The following ASIC2 variants were observed in gnomAD, a reference collection of about 807,000 sequenced individuals.
The protein encoded by ASIC2 is acid sensing ion channel subunit 2.
ASIC2 carries 25 observed loss-of-function variants against 57.3 expected under a neutral mutation model. That is an observed-to-expected ratio of 0.44 (90% CI 0.32 to 0.61). The LOEUF (loss-of-function observed/expected upper bound fraction) is 0.61. ASIC2 is among the 20% of genes least tolerant of loss of function. ASIC2 has a pLI of 0.06. For missense variants in ASIC2, 641 were observed against 738.1 expected, an observed-to-expected ratio of 0.87 and a Z score of 1.52; for synonymous variants, 319 against 307.5, an observed-to-expected ratio of 1.04 and a Z score of -0.39.
intron 1 of ASIC2, among the ~76,000 whole-genome samples, chr17:33,178,682 T>C (rs1456376072): frequency 6.6e-6 from 1 of 152,120 alleles, no homozygotes; most frequent in Non-Finnish European, 1.5e-5. Flanking sequence ...CTGATAGGCG[T>C]CATCTCTACA....
intron 1 of ASIC2, among the ~76,000 whole-genome samples, chr17:33,993,286 T>G (rs1906055997): frequency 6.6e-6 from 1 of 152,104 alleles, no homozygotes; most frequent in Non-Finnish European, 1.5e-5. Context: ...ATGGTTTCAG[T>G]TTTTTTGGCA....
At chr17:33,277,579 G>A (rs1904755332) in intron 1 of ASIC2, among the ~76,000 whole-genome samples, 1 of 152,176 alleles carries the variant, frequency 6.6e-6, no homozygotes, top group Non-Finnish European at 1.5e-5. Context: ...CTAACGTTTT[G>A]GAGGCTGAAT....
At chr17:33,159,451 T>A (rs1047351072) in intron 1 of ASIC2, among the ~76,000 whole-genome samples, 2 of 152,158 alleles carry the variant, frequency 1.3e-5, no homozygotes, top group African/African-American at 2.4e-5. Flanking sequence ...GACACTGTTC[T>A]AGATCAGTCT....
Position 33,829,342 on chromosome 17 carries a change from G to A in ASIC2, c.555+326636C>T, listed in dbSNP as rs1049424780. On this transcript the variant is annotated intron_variant, in intron 1 of 9. Transcript: ENST00000359872. ...TTCCTTGTTAGCTTTGGTTCTTGATGTCTGTGTTTGTATCATTAACTAAAA... is the reference window on the plus strand; with the variant it reads ...TTCCTTGTTAGCTTTGGTTCTTGATATCTGTGTTTGTATCATTAACTAAAA... 3.9e-5 allele frequency among the ~76,000 whole-genome samples: 6 copies of A among 152,142 alleles called. No homozygotes were observed. In the East Asian group the frequency reaches 9.6e-4, roughly 24 times the overall value.
rs746912850 is a variant in ASIC2, at chr17:33,816,965, G to A, written c.555+339013C>T. Among the ~76,000 whole-genome samples the A allele has an allele frequency of 2.0e-4, 31 of 152,282 alleles. No individual in the cohort carries two copies. In the Middle Eastern group the frequency reaches 0.014, roughly 67 times the overall value. On this transcript the variant is annotated intron_variant, in intron 1 of 9. Transcript: ENST00000359872. ...ACTCTGTCTCTTTCCAGGGTCTGCC[G>A]CCTGCCTGCCCTCACGGCTGACTCT...
chr17:33,751,207 C>T (rs902570), intron 1 of ASIC2, among the ~76,000 whole-genome samples: 99,167 of 152,036 alleles, frequency 0.65, 32,545 homozygotes, highest in African/African-American at 0.71. Flanking sequence ...ACAGCCCTAT[C>T]ATTAATCAGA....
intron 1 of ASIC2, among the ~76,000 whole-genome samples, chr17:33,374,970 G>A (rs917909347): frequency 3.3e-5 from 5 of 152,178 alleles, no homozygotes; most frequent in Admixed American, 6.5e-5. Flanking sequence ...GGTTGGGACC[G>A]TCAGAGATTC....
chr17:33,642,221 C>A (rs969118868), intron 1 of ASIC2, among the ~76,000 whole-genome samples: 12 of 125,230 alleles, frequency 9.6e-5, no homozygotes, highest in East Asian at 2.4e-4. Flanking sequence ...CCCCCCCCCC[C>A]ACACACAATG....
chr17:33,963,515 T>C (rs1474178924), intron 1 of ASIC2, among the ~76,000 whole-genome samples: 1 of 152,186 alleles, frequency 6.6e-6, no homozygotes, highest in Non-Finnish European at 1.5e-5. Context: ...AGAGGGGAAG[T>C]AACTTAAATA....
intron 1 of ASIC2, among the ~76,000 whole-genome samples, chr17:33,542,937 C>A (rs1044505914): frequency 2.0e-5 from 3 of 151,916 alleles, no homozygotes; most frequent in Non-Finnish European, 2.9e-5. Flanking sequence ...ACATATACAC[C>A]ATGGAATACT....
At chr17:33,508,465 AC>A (rs529563853) in intron 1 of ASIC2, among the ~76,000 whole-genome samples, 114 of 152,284 alleles carry the variant, frequency 7.5e-4, no homozygotes, top group African/African-American at 2.6e-3. Flanking sequence ...GAGAGAGAAG[AC>A]AGAGCCTGCC....
At chr17:33,808,136 C>T (rs1912320166) in intron 1 of ASIC2, among the ~76,000 whole-genome samples, 1 of 152,210 alleles carries the variant, frequency 6.6e-6, no homozygotes, top group Non-Finnish European at 1.5e-5. Flanking sequence ...TATTTTCCTT[C>T]TAGGAGTTTA....
intron 1 of ASIC2, among the ~76,000 whole-genome samples, chr17:33,468,135 C>T (rs1172036779): frequency 1.3e-5 from 2 of 152,172 alleles, no homozygotes; most frequent in African/African-American, 2.4e-5. Context: ...ATGACAGAGA[C>T]ACTACTGGAG....
In ASIC2 at chr17:33,021,495, C is replaced by T. The variant is rs1301846358; in HGVS notation, c.1350-185G>A. ...AAGCCAAGAAGCCTGACTCCCAGCC[C>T]GGGTCTGGAGGCCTACATCAGTTGC... is the stretch of plus-strand genomic sequence containing the variant. On this transcript the variant is annotated intron_variant, in intron 6 of 9. Coordinates refer to ENST00000225823, the MANE Select transcript of ASIC2 (RefSeq NM_183377.2). Among the ~76,000 whole-genome samples, 7 of 152,228 alleles carry T rather than the reference C, an allele frequency of 4.6e-5. No individual in the cohort carries two copies. In the East Asian group the frequency reaches 9.6e-4, roughly 21 times the overall value.
intron 1 of ASIC2, chr17:33,581,605 G>C (rs1030827384): frequency 1.3e-5 from 2 of 152,088 alleles, no homozygotes; most frequent in South Asian, 4.2e-4. Context: ...GTGGGAGTCG[G>C]CCCAAGCAGG....
intron 1 of ASIC2, among the ~76,000 whole-genome samples, chr17:33,446,575 G>A (rs1487712803): frequency 1.3e-5 from 2 of 152,130 alleles, no homozygotes; most frequent in African/African-American, 4.8e-5. Flanking sequence ...AGGTGCAGGG[G>A]AACAGAAGCA....
intron 1 of ASIC2, among the ~76,000 whole-genome samples, chr17:33,553,971 T>C (rs1283871402): frequency 6.6e-6 from 1 of 152,164 alleles, no homozygotes; most frequent in Non-Finnish European, 1.5e-5. Flanking sequence ...TCCCCTGCAG[T>C]TGAGTTCTCT....
At chr17:33,797,225 G>C (rs996646432) in intron 1 of ASIC2, among the ~76,000 whole-genome samples, 3 of 152,172 alleles carry the variant, frequency 2.0e-5, no homozygotes, top group Middle Eastern at 6.3e-3. Flanking sequence ...GGTCTTACAT[G>C]ATGAGCAAGA....
intron 1 of ASIC2, among the ~76,000 whole-genome samples, chr17:33,153,392 T>C (rs911440649): frequency 6.6e-6 from 1 of 152,174 alleles, no homozygotes; most frequent in Non-Finnish European, 1.5e-5. Context: ...TTGGGGGCAA[T>C]ATGATCACAG....
Sources: allele counts gnomAD v4.1 joint callset (sites outside exome capture counted in the v4.1 genomes callset), GRCh38; gene constraint gnomAD v4.1.1; transcripts MANE v1.5; gene names NCBI Gene and HGNC (gene_info 2026-07-23, HGNC 2026-07-21).